The following HADH variants were observed in gnomAD, a reference collection of about 807,000 sequenced individuals.
HADH encodes the protein hydroxyacyl-CoA dehydrogenase.
A neutral mutation model predicts 32.2 loss-of-function variants in HADH; 24 were observed. The ratio of observed to expected loss-of-function variants is 0.75; its 90% CI spans 0.54 to 1.05. The LOEUF is 1.05. Among genes scored for constraint, HADH ranks in the 50% least tolerant of loss-of-function variants. The probability of loss-of-function intolerance (pLI) is 0.00; values close to 1 mark genes in which losing one functional copy is unlikely to be tolerated. For missense variants in HADH, 350 were observed against 397.1 expected (o/e 0.88, Z 1.01); for synonymous variants, 139 against 152.5 (o/e 0.91, Z 0.65).
chr4:108,023,633 A>C (rs1735967472), intron 5 of HADH, 70 bp downstream of exon 5: 1 of 895,100 alleles, frequency 1.1e-6, no homozygotes, highest in Non-Finnish European at 1.9e-6. Context: ...TCCTGGTAGA[A>C]TTCTTCTCAT....
intron 1 of HADH, among the ~76,000 whole-genome samples, chr4:107,993,676 T>C (rs188291777): frequency 6.6e-6 from 1 of 152,220 alleles, no homozygotes; most frequent in Non-Finnish European, 1.5e-5. Flanking sequence ...CATTTGTACA[T>C]GTGTATTTTC....
intron 3 of HADH, among the ~76,000 whole-genome samples, chr4:108,017,269 T>C (rs1735723532): frequency 6.6e-6 from 1 of 152,196 alleles, no homozygotes; most frequent in Non-Finnish European, 1.5e-5. Context: ...AGCAGCAGCC[T>C]AAGACACACA....
intron 2 of HADH, among the ~76,000 whole-genome samples, chr4:108,014,031 C>T (rs1403221572): frequency 6.6e-6 from 1 of 152,112 alleles, no homozygotes. Flanking sequence ...AACCTGGAGT[C>T]ACAGGAGAAA....
intron 1 of HADH, among the ~76,000 whole-genome samples, chr4:107,998,569 C>T (rs6533331): frequency 0.87 from 131,671 of 151,950 alleles, 57,926 homozygotes; most frequent in East Asian, 0.97. Flanking sequence ...TGAGCTACCG[C>T]GCCCGGCTGA....
At chr4:108,032,030 C>A in intron 6 of HADH, 1 of 282,282 alleles carries the variant, frequency 3.5e-6, no homozygotes, top group Non-Finnish European at 6.6e-6. Context: ...CCTTGAAATC[C>A]TTTGGAATTA....
intron 1 of HADH, among the ~76,000 whole-genome samples, chr4:108,003,618 G>A (rs1286528233): frequency 6.6e-6 from 1 of 152,046 alleles, no homozygotes; most frequent in East Asian, 1.9e-4. Context: ...TATGGAGCAG[G>A]ATCCCAGCCC....
intron 4 of HADH, among the ~76,000 whole-genome samples, chr4:108,022,173 G>A: frequency 7.1e-6 from 1 of 140,976 alleles, no homozygotes; most frequent in Non-Finnish European, 1.6e-5. Flanking sequence ...ATATATGTGT[G>A]TGTGTGTGTG....
intron 2 of HADH, among the ~76,000 whole-genome samples, chr4:108,010,419 G>C (rs1735445586): frequency 2.9e-5 from 1 of 34,678 alleles, no homozygotes; most frequent in Non-Finnish European, 9.9e-5. Context: ...TAAGGGCCAT[G>C]CTGTTTTTCA....
intron 1 of HADH, among the ~76,000 whole-genome samples, chr4:108,003,305 A>C (rs1417146708): frequency 2.0e-5 from 3 of 152,088 alleles, no homozygotes; most frequent in African/African-American, 7.2e-5. Flanking sequence ...AGGTGGAAGA[A>C]AGCTAGACGA....
At chr4:107,994,454 A>G (rs556489796) in intron 1 of HADH, among the ~76,000 whole-genome samples, 21 of 152,162 alleles carry the variant, frequency 1.4e-4, no homozygotes, top group African/African-American at 4.8e-4. Context: ...CCAAATCTGC[A>G]TTTTCTGATG....
chr4:108,017,483 T>G (rs1292140141), intron 3 of HADH, among the ~76,000 whole-genome samples: 1 of 152,200 alleles, frequency 6.6e-6, no homozygotes, highest in African/African-American at 2.4e-5. Context: ...GTAGTTTTTT[T>G]GGTACCTGAG....
chr4:107,993,084 G>A (rs1360561308), intron 1 of HADH, among the ~76,000 whole-genome samples: 1 of 152,188 alleles, frequency 6.6e-6, no homozygotes, highest in Non-Finnish European at 1.5e-5. Flanking sequence ...CCACTGCACT[G>A]TAGCCTGGGC....
chr4:107,998,841 G>T (rs1396789140), intron 1 of HADH, among the ~76,000 whole-genome samples: 2 of 152,138 alleles, frequency 1.3e-5, no homozygotes, highest in Non-Finnish European at 2.9e-5. Flanking sequence ...GTTCCCGAAA[G>T]GTTGGTAAAG....
At chr4:108,003,520 A>G (rs997485213) in intron 1 of HADH, among the ~76,000 whole-genome samples, 1 of 152,182 alleles carries the variant, frequency 6.6e-6, no homozygotes, top group African/African-American at 2.4e-5. Flanking sequence ...ACATATCACC[A>G]TGCCACCAAG....
At chr4:107,991,884 A>G (rs2126216768) in intron 1 of HADH, among the ~76,000 whole-genome samples, 1 of 152,350 alleles carries the variant, frequency 6.6e-6, no homozygotes, top group South Asian at 2.1e-4. Context: ...AAATGGATCC[A>G]GAAACTTGTG....
At chr4:108,002,192 C>G (rs1735139704) in intron 1 of HADH, among the ~76,000 whole-genome samples, 1 of 152,180 alleles carries the variant, frequency 6.6e-6, no homozygotes, top group African/African-American at 2.4e-5. Flanking sequence ...GTCCGTGGCC[C>G]ATTAGGAACC....
chr4:108,005,020 G>A (rs1379986934), intron 1 of HADH: 2 of 792,890 alleles, frequency 2.5e-6, no homozygotes, highest in Non-Finnish European at 4.0e-6. Flanking sequence ...ATTTTATACT[G>A]TAACTCACCA....
chr4:107,993,422 T>C (rs4521419), intron 1 of HADH, among the ~76,000 whole-genome samples: 20,289 of 152,244 alleles, frequency 0.13, 2,233 homozygotes, highest in African/African-American at 0.3. Flanking sequence ...AAACTAGTAT[T>C]GAGGTTATGT....
At chr4:107,998,515 TG>T (rs1735020542) in intron 1 of HADH, among the ~76,000 whole-genome samples, 1 of 152,074 alleles carries the variant, frequency 6.6e-6, no homozygotes. Flanking sequence ...CCCGACCTCA[TG>T]ATCTGCCCGC....
Sources: allele counts gnomAD v4.1 joint callset (sites outside exome capture counted in the v4.1 genomes callset), GRCh38; gene constraint gnomAD v4.1.1; transcripts MANE v1.5; gene names NCBI Gene and HGNC (gene_info 2026-07-23, HGNC 2026-07-21).